NTM: variants seen among roughly 807,000 people sequenced by gnomAD.
NTM encodes the protein neurotrimin.
A neutral mutation model predicts 42.1 loss-of-function variants in NTM; 13 were observed. The observed-to-expected ratio is 0.31, with a 90% CI of 0.20 to 0.49. The LOEUF (loss-of-function observed/expected upper bound fraction) is 0.49. NTM is among the 20% of genes least tolerant of loss of function. The pLI, the probability that NTM is intolerant of heterozygous loss-of-function variation, is 0.99. For synonymous variants in NTM, 187 were observed against 179.2 expected (o/e 1.04, Z -0.35); for missense variants, 373 against 452.8 (o/e 0.82, Z 1.60).
At chr11:131,488,392 A>T (rs1442466897) in intron 1 of NTM, among the ~76,000 whole-genome samples, 2 of 151,948 alleles carry the variant, frequency 1.3e-5, no homozygotes, top group African/African-American at 2.4e-5. Flanking sequence ...TCTGCACATG[A>T]TCTTGTGTCA....
At chr11:132,246,761 C>T (rs1044323894) in intron 4 of NTM, among the ~76,000 whole-genome samples, 2 of 152,140 alleles carry the variant, frequency 1.3e-5, no homozygotes, top group East Asian at 1.9e-4. Flanking sequence ...TCGTCTGTTT[C>T]GTATGTCGGC....
chr11:131,711,508 T>C (rs183615556), intron 1 of NTM, among the ~76,000 whole-genome samples: 2 of 152,248 alleles, frequency 1.3e-5, no homozygotes, highest in Admixed American at 1.3e-4. Flanking sequence ...TGTGGAGAAA[T>C]AGGAACACTT....
At chr11:131,637,739 T>C (rs1179734199) in intron 1 of NTM, among the ~76,000 whole-genome samples, 1 of 151,982 alleles carries the variant, frequency 6.6e-6, no homozygotes. Context: ...CAATCTTAAG[T>C]AGATATTTTG....
intron 1 of NTM, among the ~76,000 whole-genome samples, chr11:131,489,270 A>C (rs1954515268): frequency 6.6e-6 from 1 of 151,978 alleles, no homozygotes; most frequent in Admixed American, 6.6e-5. Context: ...TAACTTTCTC[A>C]GCTTGCTTTT....
intron 2 of NTM, among the ~76,000 whole-genome samples, chr11:132,074,407 A>C (rs1472129764): frequency 6.6e-6 from 1 of 152,220 alleles, no homozygotes; most frequent in Admixed American, 6.5e-5. Context: ...TTATATCAGC[A>C]GCAAGGATTA....
intron 2 of NTM, among the ~76,000 whole-genome samples, chr11:132,016,317 G>C (rs1214144372): frequency 1.3e-5 from 2 of 151,826 alleles, no homozygotes; most frequent in Non-Finnish European, 2.9e-5. Context: ...ACCCCAGAAA[G>C]TTCCCTTGTG....
rs576484083 is a variant in NTM, at chr11:132,288,473, G to A, written c.527-19216G>A. Among the ~76,000 whole-genome samples the A allele has an allele frequency of 3.9e-5, 6 of 152,292 alleles. No individual in the cohort carries two copies. The South Asian group carries it at 1.2e-3, about 32-fold the overall frequency. ...TTTTTGAATGCATGTTTCTGTGCCT[G>A]TATGTTTTAATGCATACATCAATTC... On this transcript the variant is annotated intron_variant, in intron 4 of 8. Transcript: ENST00000683400.
At chr11:131,375,949 C>T (rs963934752) in intron 1 of NTM, among the ~76,000 whole-genome samples, 28 of 152,194 alleles carry the variant, frequency 1.8e-4, no homozygotes, top group Admixed American at 6.5e-5. Context: ...GCCCACTCCC[C>T]CTACTTCTCT....
chr11:132,078,573 G>GA (rs1427560308), intron 2 of NTM, among the ~76,000 whole-genome samples: 1 of 152,224 alleles, frequency 6.6e-6, no homozygotes, highest in African/African-American at 2.4e-5. Context: ...TAAGAGACAT[G>GA]AAAGAAAGCA....
chr11:131,585,825 C>A (rs572474804), intron 1 of NTM, among the ~76,000 whole-genome samples: 9 of 152,042 alleles, frequency 5.9e-5, no homozygotes, highest in South Asian at 4.1e-4. Flanking sequence ...TCCTTTTTCC[C>A]ACTGTGGCTC....
intron 2 of NTM, among the ~76,000 whole-genome samples, chr11:132,034,279 C>T (rs574535797): frequency 2.0e-4 from 31 of 152,192 alleles, no homozygotes; most frequent in Non-Finnish European, 4.4e-4. Flanking sequence ...CTATCTGGTG[C>T]TCTCATCTCT....
intron 2 of NTM, among the ~76,000 whole-genome samples, chr11:132,139,122 T>G (rs186210552): frequency 6.6e-6 from 1 of 152,272 alleles, no homozygotes; most frequent in East Asian, 1.9e-4. Flanking sequence ...ACCACTCTTC[T>G]GTGTTTGGAC....
chr11:132,084,182 A>G (rs961911225), intron 2 of NTM, among the ~76,000 whole-genome samples: 25 of 152,144 alleles, frequency 1.6e-4, no homozygotes, highest in Non-Finnish European at 1.5e-4. Flanking sequence ...GCTGATTATA[A>G]ACCATCTTTT....
At chr11:131,714,320 C>G (rs1389314607) in intron 1 of NTM, among the ~76,000 whole-genome samples, 1 of 152,118 alleles carries the variant, frequency 6.6e-6, no homozygotes, top group East Asian at 1.9e-4. Context: ...TCCCAAGTAG[C>G]TGGGACTTCA....
At chr11:132,010,617 C>CT (rs71067351) in intron 2 of NTM, among the ~76,000 whole-genome samples, 32,644 of 146,852 alleles carry the variant, frequency 0.22, 6,510 homozygotes, top group African/African-American at 0.53. Context: ...TTTCTACTGT[C>CT]TTTTTTTTTT....
At chr11:131,808,811 G>A (rs1207346472) in intron 1 of NTM, among the ~76,000 whole-genome samples, 3 of 152,240 alleles carry the variant, frequency 2.0e-5, no homozygotes, top group Admixed American at 6.5e-5. Flanking sequence ...AGTCAAGTAC[G>A]TAGAAGCATG....
At chr11:131,439,576 G>T (rs1032818482) in intron 1 of NTM, among the ~76,000 whole-genome samples, 2 of 152,246 alleles carry the variant, frequency 1.3e-5, no homozygotes, top group Non-Finnish European at 2.9e-5. Context: ...TGCTGTGCTA[G>T]CAGCGAGCAA....
At position 132,002,542 on chromosome 11, in the gene NTM, G is replaced by A. The variant is rs2069542447; in HGVS notation, c.167+90894G>A. 6.6e-6 allele frequency among the ~76,000 whole-genome samples: 1 copy of A among 152,176 alleles called. No homozygotes were observed. Among genetic ancestry groups the A allele is most frequent in the Non-Finnish European group, 1.5e-5 (1 of 68,020 alleles). On this transcript the variant is annotated intron_variant, in intron 2 of 8. Transcript: ENST00000683400. This position sits in a 1 kb window ranked among gnomAD's most constrained non-coding sequence, Gnocchi z 4.5. ...ATACTATGTAGAAGAATGAAATGATGTGTTGGTGTCTGTCCCCCAAATTGG... is the reference window on the plus strand; with the variant it reads ...ATACTATGTAGAAGAATGAAATGATATGTTGGTGTCTGTCCCCCAAATTGG...
At chr11:131,623,640 C>T (rs970538282) in intron 1 of NTM, among the ~76,000 whole-genome samples, 61 of 152,192 alleles carry the variant, frequency 4.0e-4, no homozygotes, top group Non-Finnish European at 3.4e-4. Context: ...TATAGGGACG[C>T]GGATGGAGGA....
Sources: gnomAD v4.1 joint callset for allele counts (sites outside exome capture counted in the v4.1 genomes callset) on GRCh38, gnomAD v4.1.1 for gene constraint, Gnocchi (gnomAD v3.1) non-coding constraint, MANE v1.5 for transcripts, NCBI Gene and HGNC (gene_info 2026-07-23, HGNC 2026-07-21) for gene names.